NBEA: variants seen among roughly 807,000 people sequenced by gnomAD.
NBEA encodes neurobeachin.
Under a neutral mutation model 343.4 loss-of-function variants are expected in NBEA, and 44 were observed. That is an observed-to-expected ratio of 0.13 (90% confidence interval 0.10 to 0.16). The LOEUF is 0.16. Ranked by LOEUF, NBEA falls within the 10% of genes least tolerant of loss-of-function variation. The probability of loss-of-function intolerance (pLI) is 1.00; values close to 1 mark genes in which losing one functional copy is unlikely to be tolerated. For missense variants in NBEA, 2,555 were observed against 3,631.3 expected (o/e 0.70, Z 7.62); for synonymous variants, 1,175 against 1,238.7 (o/e 0.95, Z 1.08).
chr13:35,214,772 A>G (rs2073971455), intron 33 of NBEA, among the ~76,000 whole-genome samples: 1 of 151,816 alleles, frequency 6.6e-6, no homozygotes, highest in Non-Finnish European at 1.5e-5. Context: ...TACCTACCAC[A>G]AAGTCATGTA....
chr13:35,182,014 G>A (rs2071353916), intron 28 of NBEA, among the ~76,000 whole-genome samples: 1 of 151,328 alleles, frequency 6.6e-6, no homozygotes, highest in Non-Finnish European at 1.5e-5. Context: ...TTAAAATCCA[G>A]GACATTATTC....
intron 17 of NBEA, among the ~76,000 whole-genome samples, chr13:35,132,881 T>C (rs2067502730): frequency 6.6e-6 from 1 of 152,192 alleles, no homozygotes. Flanking sequence ...ATGTGTATTA[T>C]AGTTCAGTAA....
At chr13:35,586,638 C>T (rs2081303101) in intron 46 of NBEA, among the ~76,000 whole-genome samples, 1 of 152,120 alleles carries the variant, frequency 6.6e-6, no homozygotes, top group South Asian at 2.1e-4. Flanking sequence ...TTGAGAAATA[C>T]TTTTTAAATC....
At chr13:34,970,227 A>AT (rs2059955945) in intron 1 of NBEA, among the ~76,000 whole-genome samples, 1 of 151,998 alleles carries the variant, frequency 6.6e-6, no homozygotes, top group South Asian at 2.1e-4. Flanking sequence ...TCCTTTGCCC[A>AT]TTTTTTAATG....
At chr13:35,086,771 C>CA (rs1051084248) in intron 10 of NBEA, among the ~76,000 whole-genome samples, 1 of 151,686 alleles carries the variant, frequency 6.6e-6, no homozygotes, top group African/African-American at 2.4e-5. Context: ...TTACAGTGTG[C>CA]AAAAGTTCCA....
At chr13:35,375,798 T>TA (rs1419158298) in intron 38 of NBEA, among the ~76,000 whole-genome samples, 11 of 152,170 alleles carry the variant, frequency 7.2e-5, no homozygotes, top group African/African-American at 2.7e-4. Flanking sequence ...GAGTCAGAAA[T>TA]ATTAGGGAAT....
intron 41 of NBEA, among the ~76,000 whole-genome samples, chr13:35,540,609 G>C (rs1272530541): frequency 3.3e-5 from 5 of 152,148 alleles, no homozygotes; most frequent in Admixed American, 1.3e-4. Flanking sequence ...TGTGTTTGAA[G>C]ATGAAGTAGA....
At chr13:35,065,139 A>G (rs1262968256) in intron 8 of NBEA, among the ~76,000 whole-genome samples, 1 of 151,734 alleles carries the variant, frequency 6.6e-6, no homozygotes, top group Non-Finnish European at 1.5e-5. Flanking sequence ...ATTCCTCAGG[A>G]AGAGTTCATG....
chr13:35,663,268 T>G (rs146706273), intron 55 of NBEA, among the ~76,000 whole-genome samples: 3 of 152,294 alleles, frequency 2.0e-5, no homozygotes, highest in Non-Finnish European at 4.4e-5. Flanking sequence ...AACCAACACC[T>G]TCCCACCACC....
chr13:35,082,416 C>T (rs1038421283), intron 10 of NBEA, among the ~76,000 whole-genome samples: 1 of 152,128 alleles, frequency 6.6e-6, no homozygotes, highest in Non-Finnish European at 1.5e-5. Flanking sequence ...GTTTTATAAT[C>T]CCTTGGATAT....
intron 13 of NBEA, among the ~76,000 whole-genome samples, chr13:35,117,086 T>C (rs2066532350): frequency 6.6e-6 from 1 of 151,910 alleles, no homozygotes; most frequent in South Asian, 2.1e-4. Context: ...TTGGGAAACC[T>C]ATTAATGTAA....
rs1335616215 is a variant in NBEA at position 35,157,128 on chromosome 13, A to G, written c.2702A>G (p.Tyr901Cys). Residue 901 changes from tyrosine (Y) to cysteine (C), a missense_variant, in exon 21 of 59, where the codon TAT becomes TGT. By Grantham distance (194) the Tyr-to-Cys change is radical (BLOSUM62 -2). Around this residue, in one of 21 missense-constraint regions of NBEA, gnomAD observed 360 missense variants for 519.1 expected, o/e 0.69. Coordinates refer to ENST00000379939, the MANE Select transcript of NBEA (RefSeq NM_001385012.1). ...CAGGATTGGATGTTTTCTCTTGGCT[A>G]TATCAATCCTAAAAATTCTGAGGAA... is the stretch of plus-strand genomic sequence containing the variant. Reference protein sequence around the residue: ...VWQDWMFSLGYINPKNSEEQK... With the variant: ...VWQDWMFSLGCINPKNSEEQK... 4 of 1,607,420 alleles carry G rather than the reference A, an allele frequency of 2.5e-6. No individual in the cohort carries two copies. Among genetic ancestry groups the G allele is most frequent in the East Asian group, 4.5e-5 (2 of 44,746 alleles).
chr13:35,426,602 G>A (rs1594595890), intron 38 of NBEA, among the ~76,000 whole-genome samples: 1 of 152,172 alleles, frequency 6.6e-6, no homozygotes, highest in African/African-American at 2.4e-5. Flanking sequence ...TTCAACTTTG[G>A]TGAATCTGAC....
At chr13:35,424,560 A>G (rs553292511) in intron 38 of NBEA, among the ~76,000 whole-genome samples, 1 of 152,274 alleles carries the variant, frequency 6.6e-6, no homozygotes, top group East Asian at 1.9e-4. Flanking sequence ...CCAGTATTTT[A>G]TTGAGGATTT....
At chr13:35,135,531 T>C (rs2067669344) in intron 17 of NBEA, among the ~76,000 whole-genome samples, 1 of 151,914 alleles carries the variant, frequency 6.6e-6, no homozygotes, top group African/African-American at 2.4e-5. Context: ...GATAAAATTG[T>C]AATAAATCAA....
chr13:35,278,096 T>C (rs1338459802), intron 34 of NBEA, among the ~76,000 whole-genome samples: 2 of 147,690 alleles, frequency 1.4e-5, no homozygotes, highest in African/African-American at 4.9e-5. Context: ...TCAAAAAATA[T>C]ATATATATAT....
chr13:35,542,358 C>T (rs964552018), intron 41 of NBEA, among the ~76,000 whole-genome samples: 5 of 152,080 alleles, frequency 3.3e-5, no homozygotes, highest in African/African-American at 7.2e-5. Flanking sequence ...CAATTTTTCC[C>T]GTTTTCAGTT....
chr13:35,591,510 A>G (rs2081540142), intron 46 of NBEA, among the ~76,000 whole-genome samples: 1 of 152,054 alleles, frequency 6.6e-6, no homozygotes, highest in Non-Finnish European at 1.5e-5. Flanking sequence ...TTGGATGCAT[A>G]TCTGATTTTC....
chr13:35,651,521 T>C (rs1479767328), intron 52 of NBEA, among the ~76,000 whole-genome samples: 1 of 152,138 alleles, frequency 6.6e-6, no homozygotes, highest in Non-Finnish European at 1.5e-5. Flanking sequence ...AGCTTTTTGA[T>C]GGGTTCAATA....
Sources: gnomAD v4.1 joint callset for allele counts (sites outside exome capture counted in the v4.1 genomes callset) on GRCh38, gnomAD v4.1.1 for gene constraint, gnomAD v4.1.1 regional missense constraint, MANE v1.5 for transcripts, NCBI Gene and HGNC (gene_info 2026-07-23, HGNC 2026-07-21) for gene names.